TUSC3: variants seen among roughly 807,000 people sequenced by gnomAD.
TUSC3 encodes the protein dolichyl-diphosphooligosaccharide--protein glycosyltransferase subunit TUSC3.
In TUSC3, 45 loss-of-function variants were observed where a neutral mutation model predicts 44.8. That is an observed-to-expected ratio of 1.00 (90% CI 0.79 to 1.29). TUSC3 has a LOEUF of 1.29. TUSC3 is among the 50% of genes most tolerant of loss of function. The pLI is 0.00. For synonymous variants in TUSC3, 212 were observed against 152.9 expected (o/e 1.39, Z -2.85); for missense variants, 519 against 437.9 (o/e 1.19, Z -1.65).
intron 2 of TUSC3, among the ~76,000 whole-genome samples, chr8:15,483,649 A>ATTTTTTTGTTTTTTTTTTTTTTTT (rs1800694621): frequency 1.5e-5 from 1 of 66,166 alleles, no homozygotes; most frequent in Non-Finnish European, 2.8e-5. Flanking sequence ...TAGCACTGTG[A>ATTTTTTTGTTTTTTTTTTTTTTTT]TTTTTTTTTT....
chr8:15,584,741 G>T (rs1803525362), intron 1 of TUSC3, among the ~76,000 whole-genome samples: 1 of 152,082 alleles, frequency 6.6e-6, no homozygotes, highest in African/African-American at 2.4e-5. Context: ...AAAATCCCAG[G>T]TAGTGAGAAC....
intron 1 of TUSC3, among the ~76,000 whole-genome samples, chr8:15,445,866 G>A (rs111664638): frequency 1.2e-4 from 18 of 152,288 alleles, no homozygotes; most frequent in African/African-American, 3.8e-4. Flanking sequence ...TGGCGGCCGG[G>A]CAGAGGGGCT....
chr8:15,503,686 A>G (rs991844704), intron 2 of TUSC3, among the ~76,000 whole-genome samples: 2 of 152,122 alleles, frequency 1.3e-5, no homozygotes, highest in African/African-American at 4.8e-5. Context: ...CCTGGGTAAC[A>G]GAGTGAAATC....
intron 1 of TUSC3, among the ~76,000 whole-genome samples, chr8:15,542,991 C>G (rs1014480773): frequency 1.3e-5 from 2 of 152,206 alleles, no homozygotes; most frequent in East Asian, 3.9e-4. Flanking sequence ...CTCTGAAATA[C>G]AGGCCATTCC....
intron 6 of TUSC3, among the ~76,000 whole-genome samples, chr8:15,685,368 C>G (rs1808587667): frequency 6.6e-6 from 1 of 152,066 alleles, no homozygotes; most frequent in Non-Finnish European, 1.5e-5. Flanking sequence ...CAGTGTCCAT[C>G]TCTTCTCTAT....
chr8:15,477,287 A>G (rs962069953), intron 1 of TUSC3, among the ~76,000 whole-genome samples: 2 of 152,082 alleles, frequency 1.3e-5, no homozygotes, highest in South Asian at 2.1e-4. Context: ...TTTCTTTTTT[A>G]CAGTTTTCTA....
rs1322102753 is a variant in TUSC3 at position 15,581,293 on chromosome 8, C to T, written c.138+40725C>T. On this transcript the variant is annotated intron_variant, in intron 1 of 10. Coordinates refer to ENST00000503731, the MANE Select transcript of TUSC3 (RefSeq NM_006765.4). The stretch of plus-strand genomic sequence containing the variant: ...CTCCCGTAGCTGAGAGTAATTTGAT[C>T]GTCTGAAGCCTTCTTCTCTCAGCTC... 1.3e-3 allele frequency among the ~76,000 whole-genome samples: 199 copies of T among 147,564 alleles called. 1 individual carries two copies. Among genetic ancestry groups the T allele is most frequent in the African/African-American group, 4.8e-3 (185 of 38,576 alleles).
intron 1 of TUSC3, among the ~76,000 whole-genome samples, chr8:15,599,861 G>A (rs534520609): frequency 1.3e-5 from 2 of 151,608 alleles, no homozygotes; most frequent in Admixed American, 1.3e-4. Context: ...TATCCTCCAA[G>A]TCTGTTCTCC....
At chr8:15,795,014 A>G in the TUSC3 span, among the ~76,000 whole-genome samples, 2 of 152,094 alleles carry the variant, frequency 1.3e-5, no homozygotes, top group African/African-American at 4.8e-5. Context: ...TGAGTATGCC[A>G]CTCTAATAAC....
intron 2 of TUSC3, among the ~76,000 whole-genome samples, chr8:15,527,697 A>C (rs988055871): frequency 6.6e-6 from 1 of 152,168 alleles, no homozygotes; most frequent in Non-Finnish European, 1.5e-5. Context: ...GAGCCACTGC[A>C]CCAGGCCTAC....
At chr8:15,693,376 G>A (rs972351960) in intron 6 of TUSC3, among the ~76,000 whole-genome samples, 2 of 150,174 alleles carry the variant, frequency 1.3e-5, no homozygotes, top group African/African-American at 2.4e-5. Flanking sequence ...TTTCAGAAAA[G>A]GATGTCTTAC....
At chr8:15,537,310 C>T (rs1026750586), upstream of TUSC3, among the ~76,000 whole-genome samples, 2 of 152,158 alleles carry the variant, frequency 1.3e-5, no homozygotes, top group African/African-American at 2.4e-5. Flanking sequence ...TGGAAGCTCC[C>T]CTCCACCCCA....
rs139043147 is a variant in TUSC3 at position 15,492,403 on chromosome 8, G to T, written n.189+8920G>T. On this transcript the variant is annotated intron_variant and non_coding_transcript_variant, in intron 2 of 5. Transcript: ENST00000503191. Reference sequence around the variant, plus strand: ...TTTAAAAAACTTATATGCAATACAGGCTTGTCTGCACAGTTCTAGAAGGCA... The same window carrying T: ...TTTAAAAAACTTATATGCAATACAGTCTTGTCTGCACAGTTCTAGAAGGCA... 5.6e-3 allele frequency among the ~76,000 whole-genome samples: 856 copies of T among 152,182 alleles called. 5 individuals are homozygous for T. The highest frequency in any genetic ancestry group is 0.02 in the African/African-American group (816 of 41,512).
chr8:15,739,864 T>C (rs1811113597), intron 7 of TUSC3, among the ~76,000 whole-genome samples: 1 of 152,190 alleles, frequency 6.6e-6, no homozygotes, highest in Non-Finnish European at 1.5e-5. Flanking sequence ...TCTTTCACTC[T>C]TTAGTTTTGT....
At chr8:15,590,900 C>T (rs1479759438) in intron 1 of TUSC3, among the ~76,000 whole-genome samples, 1 of 152,118 alleles carries the variant, frequency 6.6e-6, no homozygotes, top group African/African-American at 2.4e-5. Flanking sequence ...TGTCAAACTC[C>T]TGGACTCAAG....
At chr8:15,589,149 C>T (rs1450618327) in intron 1 of TUSC3, among the ~76,000 whole-genome samples, 1 of 152,108 alleles carries the variant, frequency 6.6e-6, no homozygotes, top group Non-Finnish European at 1.5e-5. Context: ...CTTTTGGTTT[C>T]CATTTACGTG....
chr8:15,538,009 C>G (rs1003061404), upstream of TUSC3, among the ~76,000 whole-genome samples: 1 of 152,114 alleles, frequency 6.6e-6, no homozygotes, highest in African/African-American at 2.4e-5. Flanking sequence ...GTAAGTGGAG[C>G]TCTTATGTAC....
chr8:15,794,219 G>A, the TUSC3 span, among the ~76,000 whole-genome samples: 7 of 152,120 alleles, frequency 4.6e-5, no homozygotes, highest in African/African-American at 1.7e-4. Flanking sequence ...CTTCTTGGTC[G>A]TTTTTTGACT....
chr8:15,611,957 G>A (rs1804781025), intron 1 of TUSC3, among the ~76,000 whole-genome samples: 1 of 152,162 alleles, frequency 6.6e-6, no homozygotes, highest in African/African-American at 2.4e-5. Flanking sequence ...TTATCGTTGG[G>A]TTTTCATTGA....
Sources: allele counts gnomAD v4.1 joint callset (sites outside exome capture counted in the v4.1 genomes callset), GRCh38; gene constraint gnomAD v4.1.1; transcripts MANE v1.5; gene names NCBI Gene and HGNC (gene_info 2026-07-23, HGNC 2026-07-21).